The following ITPR1 variants were observed in gnomAD, a reference collection of about 807,000 sequenced individuals.
ITPR1 encodes inositol 1,4,5-trisphosphate-gated calcium channel ITPR1.
Under a neutral mutation model 318.4 loss-of-function variants are expected in ITPR1, and 96 were observed. The observed-to-expected ratio is 0.30, with a 90% CI of 0.26 to 0.36. The LOEUF is 0.36. ITPR1 is among the 10% of genes least tolerant of loss of function. The pLI, the probability that ITPR1 is intolerant of heterozygous loss-of-function variation, is 1.00. For missense variants in ITPR1, 2,440 were observed against 3,460.2 expected, an observed-to-expected ratio of 0.71 and a Z score of 7.40; for synonymous variants, 1,312 against 1,289.9, an observed-to-expected ratio of 1.02 and a Z score of -0.37.
chr3:4,497,429 A>C (rs910511525), intron 2 of ITPR1, among the ~76,000 whole-genome samples: 5 of 152,252 alleles, frequency 3.3e-5, no homozygotes, highest in African/African-American at 1.2e-4. Context: ...TATAGCAATG[A>C]ACAAACCATC....
intron 2 of ITPR1, among the ~76,000 whole-genome samples, chr3:4,499,533 T>C (rs2080861790): frequency 6.6e-6 from 1 of 152,174 alleles, no homozygotes; most frequent in African/African-American, 2.4e-5. Flanking sequence ...ATATAATAAT[T>C]TTACACATAC....
rs891338878 is a variant in ITPR1 at position 4,785,404 on chromosome 3, A to C, written c.6615+1484A>C. 2.0e-5 allele frequency among the ~76,000 whole-genome samples: 3 copies of C among 152,370 alleles called. No homozygotes were observed. The South Asian group carries it at 6.2e-4, about 32-fold the overall frequency. On this transcript the variant is annotated intron_variant, in intron 51 of 61. Coordinates refer to ENST00000649015, the MANE Select transcript of ITPR1 (RefSeq NM_001378452.1). The stretch of plus-strand genomic sequence containing the variant: ...TGCACAAGTTCAATATCAGTGTTGA[A>C]ACAAAGATTTTAAAGAATGGACAGA...
At chr3:4,765,409 G>C (rs1441465218) in intron 44 of ITPR1, among the ~76,000 whole-genome samples, 1 of 152,238 alleles carries the variant, frequency 6.6e-6, no homozygotes, top group Non-Finnish European at 1.5e-5. Context: ...GGAGGAGTCA[G>C]AGTAGCTGAA....
intron 4 of ITPR1, among the ~76,000 whole-genome samples, chr3:4,547,833 A>G (rs551462307): frequency 6.6e-6 from 1 of 152,320 alleles, no homozygotes; most frequent in South Asian, 2.1e-4. Context: ...GATAGGTGGA[A>G]TATCAAACAG....
At chr3:4,837,933 C>A (rs2051049106) in intron 61 of ITPR1, among the ~76,000 whole-genome samples, 1 of 152,122 alleles carries the variant, frequency 6.6e-6, no homozygotes, top group Non-Finnish European at 1.5e-5. Flanking sequence ...TAGTGTTGCA[C>A]AGCAATAGGC....
intron 37 of ITPR1, among the ~76,000 whole-genome samples, chr3:4,707,472 T>C (rs1288747150): frequency 6.6e-6 from 1 of 152,204 alleles, no homozygotes; most frequent in Non-Finnish European, 1.5e-5. Flanking sequence ...AAGATGAGTG[T>C]GTGTAGAGAG....
At chr3:4,677,850 G>A (rs955794036) in intron 24 of ITPR1, among the ~76,000 whole-genome samples, 59 of 152,034 alleles carry the variant, frequency 3.9e-4, no homozygotes, top group African/African-American at 1.3e-3. Context: ...GTAGGCAAGC[G>A]GGGGTGGAAT....
intron 10 of ITPR1, among the ~76,000 whole-genome samples, chr3:4,649,422 A>G (rs2093544270): frequency 6.6e-6 from 1 of 152,186 alleles, no homozygotes. Context: ...ATTTGTAGTA[A>G]TGAGCCAGGG....
chr3:4,726,121 C>G (rs992116230), intron 41 of ITPR1, among the ~76,000 whole-genome samples: 3 of 152,154 alleles, frequency 2.0e-5, no homozygotes, highest in African/African-American at 7.2e-5. Flanking sequence ...CCTCTGCCTC[C>G]TGGGTTCAAG....
intron 24 of ITPR1, among the ~76,000 whole-genome samples, chr3:4,677,257 G>C (rs148220166): frequency 2.6e-5 from 4 of 152,074 alleles, no homozygotes; most frequent in Admixed American, 2.6e-4. Context: ...GGAGGGTCCA[G>C]CAATGAAAAA....
chr3:4,610,799 G>A (rs2092024484), intron 4 of ITPR1, among the ~76,000 whole-genome samples: 2 of 151,920 alleles, frequency 1.3e-5, no homozygotes, highest in Admixed American at 1.3e-4. Context: ...AGAACATACT[G>A]GTTTTCAGGT....
chr3:4,778,082 T>C (rs1449146320), intron 48 of ITPR1, among the ~76,000 whole-genome samples: 1 of 152,190 alleles, frequency 6.6e-6, no homozygotes, highest in Admixed American at 6.5e-5. Context: ...CCTGCAGCAT[T>C]TCCAAGCTGG....
intron 44 of ITPR1, 48 bp from the exon 45 acceptor site, chr3:4,766,482 G>A: frequency 6.4e-7 from 1 of 1,551,244 alleles, no homozygotes; most frequent in South Asian, 1.2e-5. Flanking sequence ...GTGGGGTGCA[G>A]TTTCTGGTCA....
At chr3:4,533,501 A>G (rs1488199429) in intron 4 of ITPR1, among the ~76,000 whole-genome samples, 3 of 152,260 alleles carry the variant, frequency 2.0e-5, no homozygotes, top group Admixed American at 1.3e-4. Flanking sequence ...TGTGTAACAC[A>G]GTAAATACCT....
At chr3:4,562,813 C>A (rs977039597) in intron 4 of ITPR1, among the ~76,000 whole-genome samples, 1 of 151,788 alleles carries the variant, frequency 6.6e-6, no homozygotes, top group East Asian at 1.9e-4. Flanking sequence ...CAAATGTAGT[C>A]TCTGCCCCCA....
In ITPR1 at chr3:4,835,777, A is replaced by G. The variant is rs140513541; in HGVS notation, c.8029-997A>G. On this transcript the variant is annotated intron_variant, in intron 60 of 61. Coordinates refer to ENST00000649015, the MANE Select transcript of ITPR1 (RefSeq NM_001378452.1). ...GCGGCATGCTCTTTGGGAGAAAGGC[A>G]TATGTGGGCAGAAGGAAGTGAGGTG... is the stretch of plus-strand genomic sequence containing the variant. Among the ~76,000 whole-genome samples, 353 of 151,928 alleles carry G rather than the reference A, an allele frequency of 2.3e-3. 1 individual carries two copies. Among genetic ancestry groups the G allele is most frequent in the African/African-American group, 8.0e-3 (333 of 41,556 alleles).
intron 42 of ITPR1, among the ~76,000 whole-genome samples, chr3:4,728,990 A>G (rs2042720016): frequency 6.6e-6 from 1 of 152,152 alleles, no homozygotes; most frequent in South Asian, 2.1e-4. Context: ...CCTGCACTTC[A>G]TGGCCCGAGG....
At chr3:4,553,256 G>C (rs1052688521) in intron 4 of ITPR1, among the ~76,000 whole-genome samples, 6 of 152,078 alleles carry the variant, frequency 3.9e-5, no homozygotes, top group African/African-American at 1.4e-4. Flanking sequence ...GGATAGAGGG[G>C]TGGGACATTT....
At chr3:4,846,063 T>C (rs1044646520) in intron 61 of ITPR1, 76 bp from the exon 62 acceptor site, 2 of 821,520 alleles carry the variant, frequency 2.4e-6, no homozygotes, top group African/African-American at 3.5e-5. Context: ...ACCACAGAGG[T>C]AAATCTATGG....
Sources: allele counts gnomAD v4.1 joint callset (sites outside exome capture counted in the v4.1 genomes callset), GRCh38; gene constraint gnomAD v4.1.1; transcripts MANE v1.5; gene names NCBI Gene and HGNC (gene_info 2026-07-23, HGNC 2026-07-21).